Variants in MAP6 observed in about 807,000 individuals in gnomAD.
The protein encoded by MAP6 is microtubule associated protein 6.
Under a neutral mutation model 42.4 loss-of-function variants are expected in MAP6, and 26 were observed. That is an observed-to-expected ratio of 0.61 (90% confidence interval 0.45 to 0.85). MAP6 has a LOEUF of 0.85. MAP6 is among the 40% of genes least tolerant of loss of function. The pLI is 0.00. For missense variants in MAP6, 966 were observed against 1,099.0 expected, an observed-to-expected ratio of 0.88 and a Z score of 1.71; for synonymous variants, 418 against 443.8, an observed-to-expected ratio of 0.94 and a Z score of 0.73.
At chr11:75,638,721 A>G (rs1057495316) in intron 1 of MAP6, 4 of 152,216 alleles carry the variant, frequency 2.6e-5, no homozygotes, top group African/African-American at 9.6e-5. Flanking sequence ...GTAAATTAGT[A>G]CAATCTCTAT....
chr11:75,659,925 T>G (rs1012277181), intron 1 of MAP6, among the ~76,000 whole-genome samples: 6 of 152,214 alleles, frequency 3.9e-5, no homozygotes, highest in African/African-American at 1.4e-4. Context: ...CAACAAAGAA[T>G]TAATCGTATA....
chr11:75,639,919 C>G (rs546975585), intron 1 of MAP6, among the ~76,000 whole-genome samples: 3 of 152,316 alleles, frequency 2.0e-5, no homozygotes, highest in Non-Finnish European at 2.9e-5. Context: ...TGCCCATGCC[C>G]CACCATGGCT....
chr11:75,632,000 C>T (rs1330095280), intron 1 of MAP6, among the ~76,000 whole-genome samples: 9 of 152,148 alleles, frequency 5.9e-5, no homozygotes, highest in Non-Finnish European at 1.2e-4. Flanking sequence ...ACTTTAAATC[C>T]ATCAATTTAA....
At chr11:75,655,732 A>C (rs560389154) in intron 1 of MAP6, among the ~76,000 whole-genome samples, 1 of 152,366 alleles carries the variant, frequency 6.6e-6, no homozygotes, top group Non-Finnish European at 1.5e-5. Flanking sequence ...TGAAGTTGGC[A>C]GCAGCCCTCC....
At chr11:75,642,928 G>A in intron 1 of MAP6, 1 of 459,982 alleles carries the variant, frequency 2.2e-6, no homozygotes, top group Non-Finnish European at 4.5e-6. Flanking sequence ...CACAATAAAT[G>A]TTCTGGTTAA....
chr11:75,631,155 G>T (rs1371171525), intron 1 of MAP6, among the ~76,000 whole-genome samples: 1 of 152,212 alleles, frequency 6.6e-6, no homozygotes, highest in African/African-American at 2.4e-5. Context: ...ACCTTAAAGA[G>T]GGTTACAGCT....
chr11:75,620,829 C>A (rs1213259296), intron 1 of MAP6, among the ~76,000 whole-genome samples: 1 of 152,152 alleles, frequency 6.6e-6, no homozygotes, highest in Non-Finnish European at 1.5e-5. Flanking sequence ...TCTCAATATT[C>A]TTAGAAAAAG....
chr11:75,631,977 A>G (rs769222652), intron 1 of MAP6, among the ~76,000 whole-genome samples: 4 of 152,232 alleles, frequency 2.6e-5, no homozygotes, highest in Non-Finnish European at 4.4e-5. Flanking sequence ...CGAGCCCCAT[A>G]CAGACATTCC....
intron 1 of MAP6, among the ~76,000 whole-genome samples, chr11:75,655,573 T>C (rs1943734423): frequency 6.6e-6 from 1 of 152,220 alleles, no homozygotes; most frequent in Non-Finnish European, 1.5e-5. Flanking sequence ...CCCAGATGCC[T>C]GGGCCTTGCC....
In MAP6 at chr11:75,624,673, A is replaced by T. The variant is rs1216325035; in HGVS notation, c.906-16351T>A. On this transcript the variant is annotated intron_variant, in intron 1 of 3. Transcript: ENST00000304771. ...CGAGATGCAACTTAAATATAGGCCA[A>T]AAAAGGGAGTAGATAGAAAAAGGCT... is the stretch of plus-strand genomic sequence containing the variant. Among the ~76,000 whole-genome samples the T allele has an allele frequency of 3.3e-5, 5 of 152,200 alleles. No individual in the cohort carries two copies. In the East Asian group the frequency reaches 9.6e-4, roughly 29 times the overall value.
chr11:75,592,257 C>T (rs561859120), intron 3 of MAP6, among the ~76,000 whole-genome samples: 2 of 152,304 alleles, frequency 1.3e-5, no homozygotes, highest in Admixed American at 6.5e-5. Context: ...TCTCTCTCTC[C>T]GCTTTCTCAC....
intron 1 of MAP6, among the ~76,000 whole-genome samples, chr11:75,631,768 T>C (rs1206582654): frequency 6.6e-6 from 1 of 152,182 alleles, no homozygotes; most frequent in African/African-American, 2.4e-5. Context: ...CAAGGTCAGG[T>C]CTAAAAGGAG....
At chr11:75,647,347 CAAAA>C in intron 1 of MAP6, among the ~76,000 whole-genome samples, 192 of 44,180 alleles carry the variant, frequency 4.3e-3, no homozygotes, top group African/African-American at 0.016. Flanking sequence ...CCCACCTGAT[CAAAA>C]AAAAAAAAAA....
Position 75,588,089 on chromosome 11 carries a change from A to C in MAP6, c.1412T>G (p.Leu471Arg), listed in dbSNP as rs752399301. ...TTGCACCATAGGACCTTGACCTTTC[A>C]GAAGGCCTGGGACCACAGAACCTTG... ...KDQGSVVPGL[L>R]KGQGPMVQEP... Residue 471 changes from leucine to arginine, a missense_variant, in exon 4 of 4, where the codon CTG becomes CGG. Around this residue, in one of 2 missense-constraint regions of MAP6, gnomAD observed 943 missense variants for 1,049.9 expected, o/e 0.90. Transcript: ENST00000304771. 1 of 1,613,876 alleles carries C rather than the reference A, an allele frequency of 6.2e-7. No homozygotes were observed. The highest frequency in any genetic ancestry group is 8.5e-7 in the Non-Finnish European group (1 of 1,179,948).
At chr11:75,661,741 T>G (rs1321939779) in intron 1 of MAP6, among the ~76,000 whole-genome samples, 1 of 152,092 alleles carries the variant, frequency 6.6e-6, no homozygotes, top group Non-Finnish European at 1.5e-5. Flanking sequence ...GATAAAACTT[T>G]AGAAACTTTC....
chr11:75,644,174 C>T (rs1590798148), intron 1 of MAP6, among the ~76,000 whole-genome samples: 1 of 152,192 alleles, frequency 6.6e-6, no homozygotes, highest in Non-Finnish European at 1.5e-5. Flanking sequence ...CTTCCCAGGG[C>T]CTGATTTTGC....
At chr11:75,590,769 T>C (rs1187978339) in intron 3 of MAP6, among the ~76,000 whole-genome samples, 3 of 151,994 alleles carry the variant, frequency 2.0e-5, no homozygotes, top group Non-Finnish European at 4.4e-5. Flanking sequence ...GAGTTCGAGA[T>C]CAGCCTGGCT....
rs764255902 is a variant in MAP6 at position 75,587,086 on chromosome 11, A to G, written c.2415T>C (p.His805=). 2.5e-6 allele frequency: 4 copies of G among 1,602,794 alleles called. No homozygotes were observed. The highest frequency in any genetic ancestry group is 2.2e-5 in the East Asian group (1 of 44,614). The part of the protein sequence containing the change: ...LPRVMIPTAP[H]TEYIESSP ...AAGGGGAGCTCTCAATGTATTCCGT[A>G]TGGGGGGCAGTTGGGATCATGACTC... Residue 805 remains histidine (H), a synonymous_variant, in exon 4 of 4, where the codon CAT becomes CAC. Coordinates refer to ENST00000304771, the MANE Select transcript of MAP6 (RefSeq NM_033063.2).
intron 1 of MAP6, among the ~76,000 whole-genome samples, chr11:75,657,877 G>A (rs1037708935): frequency 6.6e-6 from 1 of 152,134 alleles, no homozygotes; most frequent in Non-Finnish European, 1.5e-5. Flanking sequence ...CTGAACCCAA[G>A]TGAATCCAGG....
Sources: gnomAD v4.1 joint callset for allele counts (sites outside exome capture counted in the v4.1 genomes callset) on GRCh38, gnomAD v4.1.1 for gene constraint, gnomAD v4.1.1 regional missense constraint, MANE v1.5 for transcripts, NCBI Gene and HGNC (gene_info 2026-07-23, HGNC 2026-07-21) for gene names.